The following ERC2 variants were observed in gnomAD, a reference collection of about 807,000 sequenced individuals.
ERC2 encodes the protein ELKS/RAB6-interacting/CAST family member 2.
ERC2 carries 42 observed loss-of-function variants against 114.8 expected under a neutral mutation model. The observed-to-expected ratio is 0.37, with a 90% confidence interval of 0.29 to 0.47. ERC2 has a LOEUF of 0.47. Ranked by LOEUF, ERC2 falls within the 20% of genes least tolerant of loss-of-function variation. ERC2 has a pLI of 0.99. For missense variants in ERC2, 939 were observed against 1,150.7 expected (o/e 0.82, Z 2.66); for synonymous variants, 454 against 425.5 (o/e 1.07, Z -0.82).
At chr3:55,581,900 TC>T (rs1453570785) in intron 17 of ERC2, among the ~76,000 whole-genome samples, 1 of 151,872 alleles carries the variant, frequency 6.6e-6, no homozygotes, top group Admixed American at 6.6e-5. Flanking sequence ...TCATCTAGAG[TC>T]ATGAGGCCGA....
chr3:55,962,729 C>T lies in ERC2; in HGVS notation c.2268-12169G>A, dbSNP rs190111252. Among the ~76,000 whole-genome samples the T allele has an allele frequency of 3.9e-5, 6 of 152,316 alleles. No individual in the cohort carries two copies. In the East Asian group the frequency reaches 1.2e-3, roughly 29 times the overall value. On this transcript the variant is annotated intron_variant, in intron 12 of 17. Coordinates refer to ENST00000288221, the MANE Select transcript of ERC2 (RefSeq NM_015576.3). The stretch of plus-strand genomic sequence containing the variant: ...GAGGGAACCGTCGAAAGTTACAGAG[C>T]TAGTGAATATCAGAGCCAAGATTCT...
At chr3:56,028,944 G>T (rs1188521771) in intron 7 of ERC2, among the ~76,000 whole-genome samples, 2 of 151,986 alleles carry the variant, frequency 1.3e-5, no homozygotes, top group Admixed American at 6.5e-5. Flanking sequence ...TAGGTTTTTT[G>T]TAAATGTGCT....
At chr3:56,025,221 A>G (rs2073965637) in intron 7 of ERC2, among the ~76,000 whole-genome samples, 1 of 152,238 alleles carries the variant, frequency 6.6e-6, no homozygotes, top group African/African-American at 2.4e-5. Flanking sequence ...TTGCTAGTAC[A>G]GGGCCTACCA....
intron 3 of ERC2, among the ~76,000 whole-genome samples, chr3:56,177,186 G>T (rs1040085314): frequency 6.6e-6 from 1 of 152,162 alleles, no homozygotes; most frequent in African/African-American, 2.4e-5. Context: ...AACTGCAATG[G>T]CTACAAGGCA....
intron 7 of ERC2, among the ~76,000 whole-genome samples, chr3:56,065,538 C>G (rs2076433715): frequency 6.6e-6 from 1 of 151,620 alleles, no homozygotes; most frequent in East Asian, 1.9e-4. Flanking sequence ...AAAAAAAAAG[C>G]ATTTTATTTT....
chr3:55,800,091 G>C (rs1654040652), intron 14 of ERC2, among the ~76,000 whole-genome samples: 1 of 152,014 alleles, frequency 6.6e-6, no homozygotes. Flanking sequence ...TATAGAGACA[G>C]GGGCTATAGC....
chr3:55,691,623 C>T (rs1476644866), intron 16 of ERC2, among the ~76,000 whole-genome samples: 1 of 130,612 alleles, frequency 7.7e-6, no homozygotes, highest in Non-Finnish European at 1.6e-5. Flanking sequence ...TCTGGGCAAG[C>T]TTTAGACATA....
rs1484645533 is a variant in ERC2 at position 56,295,945 on chromosome 3, C to T, written c.1074+74G>A. The T allele has an allele frequency of 4.9e-6, 7 of 1,439,852 alleles. 1 individual carries two copies. The South Asian group carries it at 8.8e-5, about 18-fold the overall frequency. The allele number at this position is 1,439,852 out of a possible 1,614,324, so 89.2% of individuals were successfully genotyped here. ...TGTTAAGGATGTAGATATCTTCCAA[C>T]CTGTGAAAATAACTTGATAACATAT... On this transcript the variant is annotated intron_variant, in intron 3 of 17. Transcript: ENST00000288221.
chr3:55,627,989 T>G (rs1013859307), intron 17 of ERC2, among the ~76,000 whole-genome samples: 1 of 151,918 alleles, frequency 6.6e-6, no homozygotes, highest in Admixed American at 6.6e-5. Context: ...GCTTTCTATT[T>G]AATTTTGAGT....
At chr3:55,521,690 G>A (rs1265961545) in intron 17 of ERC2, among the ~76,000 whole-genome samples, 2 of 152,188 alleles carry the variant, frequency 1.3e-5, no homozygotes, top group East Asian at 3.9e-4. Context: ...CCAGGACCCC[G>A]TGGCCTTGCT....
At chr3:56,035,844 T>C (rs1403714119) in intron 7 of ERC2, among the ~76,000 whole-genome samples, 2 of 152,074 alleles carry the variant, frequency 1.3e-5, no homozygotes, top group Non-Finnish European at 2.9e-5. Flanking sequence ...GAAAACAGAA[T>C]ACTTCCAATC....
intron 2 of ERC2, among the ~76,000 whole-genome samples, chr3:56,370,588 T>C (rs986495121): frequency 7.5e-6 from 1 of 134,022 alleles, no homozygotes; most frequent in Admixed American, 7.7e-5. Context: ...TTGGTGGGGG[T>C]TTTTTTGTTT....
intron 14 of ERC2, among the ~76,000 whole-genome samples, chr3:55,755,924 T>C (rs1384353955): frequency 2.0e-5 from 3 of 152,158 alleles, no homozygotes; most frequent in African/African-American, 7.2e-5. Flanking sequence ...TAAATGTTGA[T>C]ACTAAGAAGA....
intron 14 of ERC2, among the ~76,000 whole-genome samples, chr3:55,761,086 A>G (rs2067397695): frequency 6.6e-6 from 1 of 152,216 alleles, no homozygotes; most frequent in East Asian, 1.9e-4. Flanking sequence ...TTTGAGGATC[A>G]AATAATACAA....
chr3:56,008,549 AG>A (rs2072677458), intron 9 of ERC2, among the ~76,000 whole-genome samples: 1 of 152,172 alleles, frequency 6.6e-6, no homozygotes, highest in East Asian at 1.9e-4. Context: ...TTAAATTATA[AG>A]CTCCCTGCTG....
chr3:55,551,500 G>A (rs182382773), intron 17 of ERC2, among the ~76,000 whole-genome samples: 347 of 152,278 alleles, frequency 2.3e-3, no homozygotes, highest in African/African-American at 8.2e-3. Flanking sequence ...TCCAGCCTTG[G>A]AGACAGAGTG....
chr3:56,452,206 G>A, intron 1 of ERC2, among the ~76,000 whole-genome samples: 1 of 152,206 alleles, frequency 6.6e-6, no homozygotes, highest in South Asian at 2.1e-4. Context: ...CTGAGTCAAT[G>A]TGAAAGGAAA....
At chr3:56,042,313 G>C (rs1228393241) in intron 7 of ERC2, among the ~76,000 whole-genome samples, 1 of 152,198 alleles carries the variant, frequency 6.6e-6, no homozygotes, top group Non-Finnish European at 1.5e-5. Flanking sequence ...CACTGTGTTG[G>C]TAAATATTCT....
intron 3 of ERC2, among the ~76,000 whole-genome samples, chr3:56,272,518 C>A (rs2053721287): frequency 6.6e-6 from 1 of 152,190 alleles, no homozygotes; most frequent in Non-Finnish European, 1.5e-5. Flanking sequence ...GCCTGTTATC[C>A]CAGCACTTTG....
Sources: gnomAD v4.1 joint callset for allele counts (sites outside exome capture counted in the v4.1 genomes callset) on GRCh38, gnomAD v4.1.1 for gene constraint, MANE v1.5 for transcripts, NCBI Gene and HGNC (gene_info 2026-07-23, HGNC 2026-07-21) for gene names.